The following SIDT2 variants were observed in gnomAD, a reference collection of about 807,000 sequenced individuals.
SIDT2 encodes the protein SID1 transmembrane family, member 2.
A neutral mutation model predicts 114.4 loss-of-function variants in SIDT2; 68 were observed. That is an observed-to-expected ratio of 0.59 (90% CI 0.49 to 0.73). The LOEUF (loss-of-function observed/expected upper bound fraction) is 0.73. SIDT2 is among the 30% of genes least tolerant of loss of function. The pLI is 0.00. For missense variants in SIDT2, 918 were observed against 1,097.1 expected, an observed-to-expected ratio of 0.84 and a Z score of 2.31; for synonymous variants, 470 against 438.4, an observed-to-expected ratio of 1.07 and a Z score of -0.90.
chr11:117,195,842 T>G lies in SIDT2; in HGVS notation c.2363T>G (p.Ile788Ser). ...TCGAGGGAGCACAACCGGGACTGCA[T>G]CCTCCTCGACTTCTTTGACGACCAC... Reference protein sequence around the residue: ...AESREHNRDCILLDFFDDHDI... With the variant: ...AESREHNRDCSLLDFFDDHDI... Residue 788 changes from isoleucine to serine, a missense_variant, in exon 25 of 26, where the codon ATC becomes AGC. Ile to Ser is a moderately radical substitution (Grantham distance 142). This residue lies in a region of SIDT2 where 275 missense variants were observed against 397.6 expected (regional missense o/e 0.69). Transcript: ENST00000324225. 2 of 1,614,186 alleles carry G rather than the reference T, an allele frequency of 1.2e-6. No homozygotes were observed. The highest frequency in any genetic ancestry group is 1.7e-6 in the Non-Finnish European group (2 of 1,180,030).
chr11:117,184,130 G>T lies in SIDT2; in HGVS notation c.859G>T (p.Ala287Ser). 1 of 1,614,138 alleles carries T rather than the reference G, an allele frequency of 6.2e-7. No individual in the cohort carries two copies. Among genetic ancestry groups the T allele is most frequent in the Non-Finnish European group, 8.5e-7 (1 of 1,180,002 alleles). ...AACCCTGTCAGTGCTGGTGTCTCAA[G>T]CAGTCACGTGTGAGTGCTGCAGGTG... is the stretch of plus-strand genomic sequence containing the variant. ...QKTLSVLVSQ[A>S]VTSEAYVSGM... is the part of the protein sequence containing the mutation. Residue 287 changes from alanine to serine, a missense_variant, in exon 8 of 26, where the codon GCA (alanine) becomes TCA (serine). Coordinates refer to ENST00000324225, the MANE Select transcript of SIDT2 (RefSeq NM_001040455.2).
chr11:117,193,091 C>T, intron 22 of SIDT2, 62 bp from the exon 23 acceptor site: 1 of 1,535,942 alleles, frequency 6.5e-7, no homozygotes, highest in Middle Eastern at 1.7e-4. Flanking sequence ...CTAGGCAGGG[C>T]AGGAAGAGCA....
At position 117,192,591 on chromosome 11, in the gene SIDT2, C is replaced by T. The variant is rs369383334; in HGVS notation, c.1999C>T (p.Arg667Cys). The change falls in exon 21 of 26, where the codon CGC (arginine) becomes TGC (cysteine). Residue 667 changes from arginine (R) to cysteine (C), a missense_variant. Coordinates refer to ENST00000324225, the MANE Select transcript of SIDT2 (RefSeq NM_001040455.2). This position sits in a 1 kb window ranked among gnomAD's most constrained non-coding sequence, Gnocchi z 5.9. The part of the protein sequence containing the change: ...RWKLDSGIFR[R>C]ILHVLYTDCI... ...CTTCGCAGACTCGGGGATCTTCCGC[C>T]GCATCCTCCACGTGCTCTACACAGA... The T allele has an allele frequency of 1.2e-5, 19 of 1,609,344 alleles. No individual in the cohort carries two copies. The highest frequency in any genetic ancestry group is 9.4e-5 in the African/African-American group (7 of 74,682).
At position 117,191,907 on chromosome 11, in the gene SIDT2, C is replaced by A. The variant is rs2030715772; in HGVS notation, c.1765C>A (p.Leu589Ile). ...ATCGTTCATGTACATGATCGCCGGACTCTGCATGCTGAAGCTCTACCAGAA... is the reference window on the plus strand; with the variant it reads ...ATCGTTCATGTACATGATCGCCGGAATCTGCATGCTGAAGCTCTACCAGAA... ...DTSFMYMIAG[L>I]CMLKLYQKRH... Residue 589 changes from leucine to isoleucine, a missense_variant, in exon 19 of 26, where the codon CTC (leucine) becomes ATC (isoleucine). By Grantham distance (5) the Leu-to-Ile change is conservative. Coordinates refer to ENST00000324225, the MANE Select transcript of SIDT2 (RefSeq NM_001040455.2). The A allele has an allele frequency of 6.2e-7, 1 of 1,614,178 alleles. No individual in the cohort carries two copies. The highest frequency in any genetic ancestry group is 2.2e-5 in the East Asian group (1 of 44,880).
intron 1 of SIDT2, 64 bp downstream of exon 1, chr11:117,179,510 G>T: frequency 6.5e-7 from 1 of 1,535,370 alleles, no homozygotes; most frequent in Non-Finnish European, 8.8e-7. Flanking sequence ...AGGCGATTCT[G>T]CCGCCCCGCT....
intron 1 of SIDT2, 72 bp from the exon 2 acceptor site, chr11:117,181,344 G>A: frequency 6.6e-7 from 1 of 1,518,474 alleles, no homozygotes; most frequent in Non-Finnish European, 8.9e-7. Flanking sequence ...AAGGAGGGCA[G>A]GGCTCATAGT....
rs935859865 is a variant in SIDT2, at chr11:117,191,717, A to G, written c.1736-161A>G. On this transcript the variant is annotated intron_variant, in intron 18 of 25. Coordinates refer to ENST00000324225, the MANE Select transcript of SIDT2 (RefSeq NM_001040455.2). ...GTGGCAGTGTGGTGTGGCAGGTACA[A>G]CTAAGGAACTGAAGTTCAAGTGCCA... 67 of 919,656 alleles carry G rather than the reference A, an allele frequency of 7.3e-5. No individual in the cohort carries two copies. In the African/African-American group the frequency reaches 1.1e-3, roughly 15 times the overall value. The allele number at this position is 919,656 out of a possible 1,614,324, so 57.0% of individuals were successfully genotyped here. A position where few individuals can be genotyped will look rare whatever the true frequency, so the allele number is the denominator to read the frequency against.
chr11:117,193,201 G>T lies in SIDT2; in HGVS notation c.2154G>T (p.Leu718Phe). ...IMRPNDFASY[L>F]LAIGICNLLL... ...GCCCCAATGATTTCGCTTCCTACTT[G>T]TTGGCCATTGGCATCTGCAACCTGC... Residue 718 changes from leucine to phenylalanine, a missense_variant, in exon 23 of 26, where the codon TTG (leucine) becomes TTT (phenylalanine). Leu to Phe is a conservative substitution (Grantham distance 22). Around this residue, in one of 4 missense-constraint regions of SIDT2, gnomAD observed 275 missense variants for 397.6 expected, o/e 0.69. Coordinates refer to ENST00000324225, the MANE Select transcript of SIDT2 (RefSeq NM_001040455.2). 6.2e-7 allele frequency: 1 copy of T among 1,614,058 alleles called. No individual in the cohort carries two copies.
intron 8 of SIDT2, among the ~76,000 whole-genome samples, chr11:117,184,878 G>A (rs1374416148): frequency 6.6e-6 from 1 of 151,530 alleles, no homozygotes; most frequent in Non-Finnish European, 1.5e-5. Context: ...GGCACCTGCC[G>A]CCATGCCCAG....
rs2030675919 is a variant in SIDT2, at chr11:117,190,891, A to G, written c.1735+151A>G. On this transcript the variant is annotated intron_variant, in intron 18 of 25. Transcript: ENST00000324225. This position sits in a 1 kb window ranked among gnomAD's most constrained non-coding sequence, Gnocchi z 4.1. ...CCTGGGTGTGCACACATCCTAGCCTATGGAACATGGGCACCTAGATGCTGC... is the reference window on the plus strand; with the variant it reads ...CCTGGGTGTGCACACATCCTAGCCTGTGGAACATGGGCACCTAGATGCTGC... The G allele has an allele frequency of 1.6e-6, 1 of 616,110 alleles. No individual in the cohort carries two copies. Among genetic ancestry groups the G allele is most frequent in the Non-Finnish European group, 2.9e-6 (1 of 341,388 alleles). 38.2% of individuals were successfully genotyped at this position (616,110 alleles called of 1,614,324 possible). A position where few individuals can be genotyped will look rare whatever the true frequency, so the allele number is the denominator to read the frequency against.
chr11:117,182,127 C>G (rs755936658), intron 4 of SIDT2, 22 bp downstream of exon 4: 1 of 1,613,216 alleles, frequency 6.2e-7, no homozygotes, highest in Non-Finnish European at 8.5e-7. Context: ...CTGTTGATTG[C>G]TCGAGAGGAG....
rs200139833 is a variant in SIDT2, at chr11:117,191,950, A to T, written c.1808A>T (p.Asn603Ile). 9.9e-6 allele frequency: 16 copies of T among 1,614,118 alleles called. No homozygotes were observed. Among genetic ancestry groups the T allele is most frequent in the Non-Finnish European group, 1.4e-5 (16 of 1,180,022 alleles). The change falls in exon 19 of 26, where the codon AAC becomes ATC. Residue 603 changes from asparagine (N) to isoleucine (I), a missense_variant. Coordinates refer to ENST00000324225, the MANE Select transcript of SIDT2 (RefSeq NM_001040455.2). ...KLYQKRHPDI[N>I]ASAYSAYACL... ...TACCAGAAGCGGCACCCGGACATCA[A>T]CGCCAGCGCCTACAGTGCCTACGCC...
At chr11:117,179,479 G>A in intron 1 of SIDT2, 33 bp downstream of exon 1, 2 of 1,592,880 alleles carry the variant, frequency 1.3e-6, no homozygotes, top group Non-Finnish European at 1.7e-6. Flanking sequence ...CCAGAGGCGA[G>A]TGGGGAAGCC....
intron 22 of SIDT2, 135 bp downstream of exon 22, chr11:117,193,001 C>T: frequency 7.4e-7 from 1 of 1,346,108 alleles, no homozygotes; most frequent in African/African-American, 1.4e-5. Context: ...ATCTTGGCCT[C>T]TCTTCTCTCT....
At position 117,187,650 on chromosome 11, in the gene SIDT2, T is replaced by C. The variant is rs771964536; in HGVS notation, c.1110T>C (p.Asp370=). 1 of 1,613,988 alleles carries C rather than the reference T, an allele frequency of 6.2e-7. No individual in the cohort carries two copies. The highest frequency in any genetic ancestry group is 8.5e-7 in the Non-Finnish European group (1 of 1,180,014). Reference sequence around the variant, plus strand: ...CAGAGAATGTTTCTGGATCTACCGATGGTCTGGTTGACAGCGCTGGCACTG... The same window carrying C: ...CAGAGAATGTTTCTGGATCTACCGACGGTCTGGTTGACAGCGCTGGCACTG... ...GSFENVSGST[D]GLVDSAGTGD... is the part of the protein sequence containing the mutation. Residue 370 remains aspartate, a synonymous_variant, in exon 12 of 26, where the codon GAT becomes GAC. Coordinates refer to ENST00000324225, the MANE Select transcript of SIDT2 (RefSeq NM_001040455.2).
At chr11:117,194,107 C>T (rs896688412) in intron 24 of SIDT2, 144 bp downstream of exon 24, 5 of 619,274 alleles carry the variant, frequency 8.1e-6, no homozygotes, top group Admixed American at 2.8e-5. Context: ...TCAAGACCAG[C>T]CTGGGCAATA....
intron 2 of SIDT2, 84 bp from the exon 3 acceptor site, chr11:117,181,723 G>C (rs1017865132): frequency 1.3e-6 from 2 of 1,593,540 alleles, no homozygotes; most frequent in Non-Finnish European, 1.7e-6. Flanking sequence ...GAGACCAGAC[G>C]GGGCGAGGTG....
chr11:117,182,217 G>T, intron 4 of SIDT2, 112 bp downstream of exon 4: 1 of 1,247,850 alleles, frequency 8.0e-7, no homozygotes, highest in Non-Finnish European at 1.1e-6. Flanking sequence ...TTTCTCCATG[G>T]AGGGCTCTCT....
At chr11:117,185,337 C>T (rs1424658062) in intron 8 of SIDT2, among the ~76,000 whole-genome samples, 3 of 152,082 alleles carry the variant, frequency 2.0e-5, no homozygotes, top group African/African-American at 7.2e-5. Context: ...CGTGAGCCAC[C>T]GCGCCCGGCC....
Sources: allele counts gnomAD v4.1 joint callset (sites outside exome capture counted in the v4.1 genomes callset), GRCh38; gene constraint gnomAD v4.1.1; regional missense constraint gnomAD v4.1.1; non-coding constraint Gnocchi (gnomAD v3.1); transcripts MANE v1.5; gene names NCBI Gene and HGNC (gene_info 2026-07-23, HGNC 2026-07-21).